The following ZNF385D variants were observed in gnomAD, a reference collection of about 807,000 sequenced individuals.
The protein encoded by ZNF385D is zinc finger protein 385D.
In ZNF385D, 15 loss-of-function variants were observed where a neutral mutation model predicts 35.8. The ratio of observed to expected loss-of-function variants is 0.42; its 90% CI spans 0.28 to 0.64. The LOEUF (loss-of-function observed/expected upper bound fraction) is 0.64. ZNF385D is among the 30% of genes least tolerant of loss of function. The pLI, the probability that ZNF385D is intolerant of heterozygous loss-of-function variation, is 0.23. For missense variants in ZNF385D, 474 were observed against 494.6 expected, an observed-to-expected ratio of 0.96 and a Z score of 0.39; for synonymous variants, 212 against 186.8, an observed-to-expected ratio of 1.13 and a Z score of -1.10.
intron 3 of ZNF385D, among the ~76,000 whole-genome samples, chr3:22,025,890 C>A (rs539011088): frequency 2.0e-5 from 3 of 152,288 alleles, no homozygotes; most frequent in South Asian, 2.1e-4. Context: ...ACCGTGGCAA[C>A]GGCAGTCATT....
chr3:22,147,597 A>G (rs1035410948), intron 3 of ZNF385D, among the ~76,000 whole-genome samples: 2 of 152,182 alleles, frequency 1.3e-5, no homozygotes, highest in Non-Finnish European at 1.5e-5. Context: ...CTTACTATGT[A>G]TGGGATCTCA....
chr3:22,239,790 G>A (rs992245746), intron 2 of ZNF385D, among the ~76,000 whole-genome samples: 18 of 151,022 alleles, frequency 1.2e-4, no homozygotes, highest in East Asian at 3.9e-4. Context: ...ACAATCAGTT[G>A]ATGAAAAAGA....
intron 3 of ZNF385D, among the ~76,000 whole-genome samples, chr3:21,906,225 A>C (rs948210788): frequency 1.3e-5 from 2 of 152,268 alleles, no homozygotes; most frequent in Non-Finnish European, 2.9e-5. Context: ...AATCTGCTGA[A>C]ATGTCATTAT....
intron 2 of ZNF385D, among the ~76,000 whole-genome samples, chr3:22,293,427 C>T (rs1463320680): frequency 1.3e-5 from 2 of 152,056 alleles, no homozygotes; most frequent in African/African-American, 4.8e-5. Context: ...CATTCTCTTT[C>T]TAGCTACTAA....
At chr3:21,854,775 T>C (rs973394301) in intron 3 of ZNF385D, among the ~76,000 whole-genome samples, 1 of 151,992 alleles carries the variant, frequency 6.6e-6, no homozygotes, top group Admixed American at 6.6e-5. Flanking sequence ...AATAAATATT[T>C]GTTGACTGAT....
chr3:22,081,991 ATTTTTTT>A (rs67970020), intron 3 of ZNF385D, among the ~76,000 whole-genome samples: 4 of 133,342 alleles, frequency 3.0e-5, no homozygotes, highest in East Asian at 2.3e-4. Flanking sequence ...GGGGTTTTCT[ATTTTTTT>A]TTTTTTTTTT....
intron 4 of ZNF385D, among the ~76,000 whole-genome samples, chr3:21,471,940 A>G (rs1363969897): frequency 3.3e-5 from 5 of 152,126 alleles, no homozygotes; most frequent in African/African-American, 4.8e-5. Flanking sequence ...ACAAAATGCT[A>G]TGTTTGCTAG....
intron 4 of ZNF385D, among the ~76,000 whole-genome samples, chr3:21,492,867 C>T (rs773967646): frequency 6.6e-6 from 1 of 151,744 alleles, no homozygotes; most frequent in Non-Finnish European, 1.5e-5. Flanking sequence ...CCATTAATTG[C>T]AAGTTTGATG....
chr3:21,487,777 A>G (rs1302008918), intron 4 of ZNF385D, among the ~76,000 whole-genome samples: 1 of 152,012 alleles, frequency 6.6e-6, no homozygotes, highest in African/African-American at 2.4e-5. Context: ...AACTTTGGGC[A>G]AGTACCTAAC....
intron 2 of ZNF385D, among the ~76,000 whole-genome samples, chr3:21,648,225 A>G (rs1044157917): frequency 7.9e-5 from 12 of 152,108 alleles, no homozygotes; most frequent in African/African-American, 2.9e-4. Flanking sequence ...GTGAGTTCTC[A>G]TGAGATCTGA....
chr3:21,993,332 C>T (rs551830857), intron 3 of ZNF385D, among the ~76,000 whole-genome samples: 2 of 152,244 alleles, frequency 1.3e-5, no homozygotes, highest in South Asian at 4.1e-4. Context: ...AGTTTCTTAT[C>T]TTCTCTGATC....
intron 3 of ZNF385D, among the ~76,000 whole-genome samples, chr3:21,783,163 G>A (rs1463552006): frequency 2.6e-5 from 4 of 152,098 alleles, no homozygotes; most frequent in East Asian, 1.9e-4. Flanking sequence ...GAACTTTCAC[G>A]TCTTGGAATT....
intron 3 of ZNF385D, among the ~76,000 whole-genome samples, chr3:22,156,625 G>A (rs1036226815): frequency 1.3e-5 from 2 of 152,046 alleles, no homozygotes; most frequent in African/African-American, 2.4e-5. Flanking sequence ...ACAAACAGAT[G>A]GTCATGAAAT....
chr3:21,482,495 G>T (rs1317737738), intron 4 of ZNF385D, among the ~76,000 whole-genome samples: 1 of 152,124 alleles, frequency 6.6e-6, no homozygotes, highest in African/African-American at 2.4e-5. Flanking sequence ...CTTGCCCATG[G>T]TCACTGAAGT....
At chr3:21,944,612 G>A (rs192141055) in intron 3 of ZNF385D, among the ~76,000 whole-genome samples, 2 of 152,128 alleles carry the variant, frequency 1.3e-5, no homozygotes, top group Non-Finnish European at 2.9e-5. Flanking sequence ...TTTGCACATT[G>A]TATTTTCAAA....
chr3:21,499,626 A>T (rs1706215195), intron 4 of ZNF385D, among the ~76,000 whole-genome samples: 1 of 151,840 alleles, frequency 6.6e-6, no homozygotes, highest in African/African-American at 2.4e-5. Context: ...CACTAAACCT[A>T]ATAAAAGGGT....
intron 2 of ZNF385D, among the ~76,000 whole-genome samples, chr3:22,367,445 A>T (rs1696706217): frequency 1.3e-5 from 2 of 152,218 alleles, no homozygotes; most frequent in Non-Finnish European, 2.9e-5. Flanking sequence ...CTATGAAGTT[A>T]CTGTGAATGT....
intron 2 of ZNF385D, among the ~76,000 whole-genome samples, chr3:22,246,558 C>T (rs1021840340): frequency 2.6e-5 from 4 of 152,124 alleles, no homozygotes; most frequent in Non-Finnish European, 2.9e-5. Flanking sequence ...CTAGACCTGA[C>T]TTTGCTATAA....
intron 4 of ZNF385D, among the ~76,000 whole-genome samples, chr3:21,506,420 A>G (rs1706783763): frequency 6.6e-6 from 1 of 152,174 alleles, no homozygotes. Context: ...AACCTAGCCT[A>G]ACCTAACTGA....
Sources: gnomAD v4.1 joint callset for allele counts (sites outside exome capture counted in the v4.1 genomes callset) on GRCh38, gnomAD v4.1.1 for gene constraint, MANE v1.5 for transcripts, NCBI Gene and HGNC (gene_info 2026-07-23, HGNC 2026-07-21) for gene names.